The following PPP2R5C variants were observed in gnomAD, a reference collection of about 807,000 sequenced individuals.
PPP2R5C encodes the protein serine/threonine-protein phosphatase 2A 56 kDa regulatory subunit gamma isoform.
Under a neutral mutation model 68.9 loss-of-function variants are expected in PPP2R5C, and 7 were observed. The observed-to-expected ratio is 0.10, with a 90% CI of 0.06 to 0.19. The LOEUF (loss-of-function observed/expected upper bound fraction) is 0.19, where lower values mean the gene tolerates loss of function less well. PPP2R5C is among the 10% of genes least tolerant of loss of function. The pLI is 1.00. For synonymous variants in PPP2R5C, 210 were observed against 222.2 expected, an observed-to-expected ratio of 0.95 and a Z score of 0.49; for missense variants, 348 against 641.3, an observed-to-expected ratio of 0.54 and a Z score of 4.94.
chr14:101,768,974 G>A (rs941229865), intron 2 of PPP2R5C, among the ~76,000 whole-genome samples: 5 of 151,896 alleles, frequency 3.3e-5, no homozygotes, highest in Admixed American at 6.6e-5. Flanking sequence ...ACAGGCGCCC[G>A]CCACCACGCC....
At chr14:101,809,268 AATAG>A (rs2039208457), upstream of PPP2R5C, among the ~76,000 whole-genome samples, 1 of 152,150 alleles carries the variant, frequency 6.6e-6, no homozygotes, top group African/African-American at 2.4e-5. Context: ...TCAGGGAAAA[AATAG>A]ATCTCAAGAA....
At chr14:101,878,789 C>G (rs990030760) in intron 2 of PPP2R5C, among the ~76,000 whole-genome samples, 10 of 152,232 alleles carry the variant, frequency 6.6e-5, no homozygotes, top group African/African-American at 2.4e-4. Flanking sequence ...TACTTGAAGT[C>G]CATTGATTAT....
At chr14:101,910,479 T>A (rs1472469287) in intron 11 of PPP2R5C, among the ~76,000 whole-genome samples, 1 of 152,218 alleles carries the variant, frequency 6.6e-6, no homozygotes, top group African/African-American at 2.4e-5. Flanking sequence ...AATATTTACC[T>A]TATACACCAG....
chr14:101,863,863 A>C (rs1164965865), intron 2 of PPP2R5C, among the ~76,000 whole-genome samples: 1 of 152,058 alleles, frequency 6.6e-6, no homozygotes, highest in Non-Finnish European at 1.5e-5. Context: ...GCACCACTGC[A>C]CTCCAGCCTG....
At position 101,916,631 on chromosome 14, in the gene PPP2R5C, C is replaced by CA. The variant is rs2046685002; in HGVS notation, c.1327-1199dup. Among the ~76,000 whole-genome samples, 1 of 146,804 alleles carries CA rather than the reference C, an allele frequency of 6.8e-6. No individual in the cohort carries two copies. The highest frequency in any genetic ancestry group is 1.5e-5 in the Non-Finnish European group (1 of 67,648). On this transcript the variant is annotated intron_variant, in intron 12 of 13. Transcript: ENST00000334743. The surrounding 1 kb of genome is among the most constrained non-coding windows in gnomAD (Gnocchi z 5.5). Reference sequence around the variant, plus strand: ...GGCCTCATGCCAGAGGTGGCTCCGTCAGAGGATGAGGGCCAACACCAGACG... The same window carrying CA: ...GGCCTCATGCCAGAGGTGGCTCCGTCAAGAGGATGAGGGCCAACACCAGACG...
intron 1 of PPP2R5C, among the ~76,000 whole-genome samples, chr14:101,852,270 C>T (rs1241061684): frequency 6.6e-6 from 1 of 152,142 alleles, no homozygotes; most frequent in Non-Finnish European, 1.5e-5. Flanking sequence ...CAGTGAAACG[C>T]ATTCAATTTC....
intron 1 of PPP2R5C, among the ~76,000 whole-genome samples, chr14:101,832,731 C>T (rs1340649977): frequency 1.3e-5 from 2 of 152,166 alleles, no homozygotes; most frequent in African/African-American, 4.8e-5. Context: ...CAGAAGGGTC[C>T]AGACTCCAGC....
intron 2 of PPP2R5C, among the ~76,000 whole-genome samples, chr14:101,858,453 G>A (rs937609697): frequency 3.3e-5 from 5 of 151,572 alleles, no homozygotes; most frequent in Non-Finnish European, 5.9e-5. Context: ...CACCTCAAGC[G>A]TTTATCATTT....
chr14:101,864,963 G>A (rs1175341062), intron 2 of PPP2R5C, among the ~76,000 whole-genome samples: 6 of 152,204 alleles, frequency 3.9e-5, no homozygotes, highest in African/African-American at 1.4e-4. Flanking sequence ...GGTGGAATGA[G>A]CCAAGCGGCT....
chr14:101,858,733 T>G (rs1224586529), intron 2 of PPP2R5C, among the ~76,000 whole-genome samples: 3 of 152,194 alleles, frequency 2.0e-5, no homozygotes, highest in African/African-American at 7.2e-5. Flanking sequence ...TGTGGAAGAT[T>G]TTCCTATGTT....
At position 101,877,249 on chromosome 14, in the gene PPP2R5C, T is replaced by G. The variant is rs758091214; in HGVS notation, c.295-4912T>G. On this transcript the variant is annotated intron_variant, in intron 2 of 13. Transcript: ENST00000334743. This position sits in a 1 kb window ranked among gnomAD's most constrained non-coding sequence, Gnocchi z 4.2. ...CAGGCATGAGTCACCGCGCCTGGCC[T>G]TTACCCTTTCCAATGGAGGAGAAAA... Among the ~76,000 whole-genome samples, 1 of 152,038 alleles carries G rather than the reference T, an allele frequency of 6.6e-6. No homozygotes were observed. Among genetic ancestry groups the G allele is most frequent in the Non-Finnish European group, 1.5e-5 (1 of 67,990 alleles).
intron 2 of PPP2R5C, among the ~76,000 whole-genome samples, chr14:101,876,260 C>T (rs954959828): frequency 6.6e-6 from 1 of 152,158 alleles, no homozygotes; most frequent in Non-Finnish European, 1.5e-5. Context: ...TCTGCAGTAA[C>T]TGTAATTTGG....
chr14:101,775,699 GC>G (rs1337279543), intron 2 of PPP2R5C, among the ~76,000 whole-genome samples: 1 of 152,186 alleles, frequency 6.6e-6, no homozygotes, highest in Non-Finnish European at 1.5e-5. Context: ...TGGCAGTGGG[GC>G]TGGGCCCAGG....
intron 2 of PPP2R5C, 56 bp downstream of exon 2, chr14:101,763,026 A>G: frequency 7.1e-7 from 1 of 1,409,204 alleles, no homozygotes; most frequent in Non-Finnish European, 9.8e-7. Context: ...AACTTCAGGT[A>G]GAAAAACCGA....
chr14:101,810,111 G>A, intron 1 of PPP2R5C: 1 of 1,356,156 alleles, frequency 7.4e-7, no homozygotes, highest in South Asian at 1.2e-5. Flanking sequence ...CTTCAGATAA[G>A]AAAAGCAGGA....
chr14:101,806,859 G>A (rs1281403019), upstream of PPP2R5C, among the ~76,000 whole-genome samples: 9 of 152,160 alleles, frequency 5.9e-5, no homozygotes, highest in Admixed American at 5.9e-4. Flanking sequence ...CTCTGCAGGA[G>A]GCTGAGGCAG....
At chr14:101,848,392 G>A (rs912106247) in intron 1 of PPP2R5C, among the ~76,000 whole-genome samples, 8 of 152,060 alleles carry the variant, frequency 5.3e-5, no homozygotes, top group East Asian at 1.9e-4. Flanking sequence ...TTAGCCAGGC[G>A]TGGTGGCGAG....
upstream of PPP2R5C, among the ~76,000 whole-genome samples, chr14:101,805,302 G>A (rs948092335): frequency 1.1e-4 from 16 of 152,152 alleles, no homozygotes; most frequent in Admixed American, 1.0e-3. Context: ...TTGACCTCAA[G>A]TGATCTGCCT....
chr14:101,846,732 A>G (rs951461605), intron 1 of PPP2R5C, among the ~76,000 whole-genome samples: 10 of 152,206 alleles, frequency 6.6e-5, no homozygotes, highest in Non-Finnish European at 1.5e-4. Context: ...TTTGCCTGGA[A>G]GAGGGCTGAG....
Sources: gnomAD v4.1 joint callset for allele counts (sites outside exome capture counted in the v4.1 genomes callset) on GRCh38, gnomAD v4.1.1 for gene constraint, Gnocchi (gnomAD v3.1) non-coding constraint, MANE v1.5 for transcripts, NCBI Gene and HGNC (gene_info 2026-07-23, HGNC 2026-07-21) for gene names.